The following CPPED1 variants were observed in gnomAD, a reference collection of about 807,000 sequenced individuals.
CPPED1 encodes the protein serine/threonine-protein phosphatase CPPED1.
CPPED1 carries 28 observed loss-of-function variants against 28.0 expected under a neutral mutation model. The observed-to-expected ratio is 1.00, with a 90% CI of 0.74 to 1.37. The LOEUF is 1.37. CPPED1 is among the 40% of genes most tolerant of loss of function. The probability of loss-of-function intolerance (pLI) is 0.00; values close to 1 mark genes in which losing one functional copy is unlikely to be tolerated. For missense variants in CPPED1, 504 were observed against 416.5 expected, an observed-to-expected ratio of 1.21 and a Z score of -1.83; for synonymous variants, 198 against 180.2, an observed-to-expected ratio of 1.10 and a Z score of -0.79.
intron 3 of CPPED1, 103 bp downstream of exon 3, chr16:12,704,519 CCT>C (rs2080037285): frequency 8.1e-7 from 1 of 1,239,164 alleles, no homozygotes; most frequent in South Asian, 1.5e-5. Flanking sequence ...CCGGCCTAGT[CCT>C]CTCTCCCTTT....
chr16:12,776,929 A>G (rs2080501573), intron 2 of CPPED1, among the ~76,000 whole-genome samples: 1 of 152,136 alleles, frequency 6.6e-6, no homozygotes, highest in Non-Finnish European at 1.5e-5. Flanking sequence ...AAAAAAAAAG[A>G]TGTGCCTTTC....
At chr16:12,759,047 C>A (rs148928886) in intron 2 of CPPED1, among the ~76,000 whole-genome samples, 1 of 151,034 alleles carries the variant, frequency 6.6e-6, no homozygotes, top group African/African-American at 2.4e-5. Flanking sequence ...TCTGCAGTCC[C>A]AGCTACTCAG....
intron 3 of CPPED1, among the ~76,000 whole-genome samples, chr16:12,681,267 A>T (rs1007511989): frequency 2.0e-5 from 3 of 152,100 alleles, no homozygotes; most frequent in African/African-American, 7.2e-5. Context: ...CTCTGCCCTC[A>T]AGAATGCATT....
intron 2 of CPPED1, among the ~76,000 whole-genome samples, chr16:12,730,889 G>T (rs188762215): frequency 1.2e-4 from 18 of 152,246 alleles, no homozygotes; most frequent in African/African-American, 2.4e-5. Context: ...CACATTACCC[G>T]CATTTTAGTT....
chr16:12,763,580 T>C (rs1174271961), intron 2 of CPPED1, among the ~76,000 whole-genome samples: 3 of 152,192 alleles, frequency 2.0e-5, no homozygotes, highest in African/African-American at 7.2e-5. Context: ...TTCATTTAAG[T>C]CTTATGAGAA....
Position 12,682,855 on chromosome 16 carries a change from C to T in CPPED1, c.716-17740G>A, listed in dbSNP as rs779401469. On this transcript the variant is annotated intron_variant, in intron 3 of 3. Coordinates refer to ENST00000381774, the MANE Select transcript of CPPED1 (RefSeq NM_018340.3). The surrounding 1 kb of genome is among the most constrained non-coding windows in gnomAD (Gnocchi z 6.1). Reference sequence around the variant, plus strand: ...ATGGCAGCTTGCGTGTGAAATGGAGCGTGGGGCCCACATTAAGGTTTCAAT... The same window carrying T: ...ATGGCAGCTTGCGTGTGAAATGGAGTGTGGGGCCCACATTAAGGTTTCAAT... Among the ~76,000 whole-genome samples the T allele has an allele frequency of 2.6e-5, 4 of 152,166 alleles. No homozygotes were observed. The highest frequency in any genetic ancestry group is 2.9e-5 in the Non-Finnish European group (2 of 68,014).
chr16:12,779,245 C>T (rs1300638101), intron 2 of CPPED1, among the ~76,000 whole-genome samples: 1 of 152,014 alleles, frequency 6.6e-6, no homozygotes, highest in African/African-American at 2.4e-5. Flanking sequence ...GAGACAGGGG[C>T]TCTCTCTGTT....
chr16:12,730,974 A>C (rs1208617795), intron 2 of CPPED1, among the ~76,000 whole-genome samples: 1 of 152,062 alleles, frequency 6.6e-6, no homozygotes, highest in Non-Finnish European at 1.5e-5. Context: ...GATGGCTTGA[A>C]ACTGCATGAA....
chr16:12,698,855 C>T (rs146995071), intron 3 of CPPED1, among the ~76,000 whole-genome samples: 71 of 152,150 alleles, frequency 4.7e-4, no homozygotes, highest in African/African-American at 1.4e-3. Flanking sequence ...TTAACTTTTG[C>T]GGGGAAGATC....
intron 2 of CPPED1, among the ~76,000 whole-genome samples, chr16:12,732,491 GATGGA>G (rs762833583): frequency 6.2e-5 from 6 of 97,176 alleles, no homozygotes; most frequent in South Asian, 3.7e-4. Flanking sequence ...CACACACACA[GATGGA>G]GAGAGAGAGA....
Position 12,803,746 on chromosome 16 carries a change from G to A in CPPED1, c.31C>T (p.His11Tyr), listed in dbSNP as rs200444597. 285 of 1,595,838 alleles carry A rather than the reference G, an allele frequency of 1.8e-4. No individual in the cohort carries two copies. The African/African-American group carries it at 3.2e-3, about 18-fold the overall frequency. The change falls in exon 1 of 4, where the codon CAC becomes TAC. Residue 11 changes from histidine to tyrosine, a missense_variant. Physicochemically the swap from His to Tyr is moderately conservative, Grantham distance 83. Transcript: ENST00000381774. ...GCCAGGGTCCTGCCCCTGGCTCTGT[G>A]GAAAACACCCCCCGCCTCTGCAGCC... MSAAEAGGVFHRARGRTLAAF... is the reference protein window; with the variant it reads MSAAEAGGVFYRARGRTLAAF...
intron 3 of CPPED1, among the ~76,000 whole-genome samples, chr16:12,677,526 C>A (rs756693126): frequency 1.3e-5 from 2 of 152,170 alleles, no homozygotes; most frequent in Non-Finnish European, 2.9e-5. Context: ...TCAGTAATCC[C>A]AGCTACTTGG....
chr16:12,790,470 G>C (rs899394849), intron 1 of CPPED1, among the ~76,000 whole-genome samples: 1 of 152,144 alleles, frequency 6.6e-6, no homozygotes, highest in Non-Finnish European at 1.5e-5. Context: ...CACTCAACTA[G>C]GAAAAGGCCT....
At chr16:12,746,880 A>C (rs2080292377) in intron 2 of CPPED1, among the ~76,000 whole-genome samples, 1 of 152,062 alleles carries the variant, frequency 6.6e-6, no homozygotes, top group African/African-American at 2.4e-5. Context: ...CAACCTCGAA[A>C]ATGCTACAAT....
intron 1 of CPPED1, among the ~76,000 whole-genome samples, chr16:12,783,083 C>T (rs1033919124): frequency 1.5e-4 from 23 of 152,146 alleles, no homozygotes; most frequent in African/African-American, 5.3e-4. Context: ...GTGACCAAGA[C>T]AGATGAGTCC....
In CPPED1 at chr16:12,666,333, C is replaced by A. The variant is rs531717646; in HGVS notation, c.716-1218G>T. Reference sequence around the variant, plus strand: ...GTCATGAGTGGGAGTAAAATGTCACCGGGAGTTCAGCTCTTAGAAGATCAT... The same window carrying A: ...GTCATGAGTGGGAGTAAAATGTCACAGGGAGTTCAGCTCTTAGAAGATCAT... On this transcript the variant is annotated intron_variant, in intron 3 of 3. Coordinates refer to ENST00000381774, the MANE Select transcript of CPPED1 (RefSeq NM_018340.3). Among the ~76,000 whole-genome samples, 7 of 152,074 alleles carry A rather than the reference C, an allele frequency of 4.6e-5. No individual in the cohort carries two copies. The South Asian group carries it at 1.5e-3, about 32-fold the overall frequency.
At chr16:12,787,951 G>A (rs932354285) in intron 1 of CPPED1, among the ~76,000 whole-genome samples, 4 of 152,164 alleles carry the variant, frequency 2.6e-5, no homozygotes, top group East Asian at 1.9e-4. Flanking sequence ...GGCAGGATCC[G>A]TTTCCAAGCT....
At chr16:12,690,862 G>A (rs568780235) in intron 3 of CPPED1, among the ~76,000 whole-genome samples, 5 of 152,248 alleles carry the variant, frequency 3.3e-5, no homozygotes, top group South Asian at 2.1e-4. Context: ...AGATCCCTTT[G>A]GATATCCCAG....
Position 12,680,581 on chromosome 16 carries a change from C to T in CPPED1, c.716-15466G>A, listed in dbSNP as rs571536107. 4.6e-5 allele frequency among the ~76,000 whole-genome samples: 7 copies of T among 152,302 alleles called. No homozygotes were observed. In the South Asian group the frequency reaches 1.5e-3, roughly 32 times the overall value. On this transcript the variant is annotated intron_variant, in intron 3 of 3. Coordinates refer to ENST00000381774, the MANE Select transcript of CPPED1 (RefSeq NM_018340.3). ...AGCATCCAGATTCAGGGGGCAGAGA[C>T]AGCCCCCAGGGAAGAAGGAGTCTTG...
Sources: allele counts gnomAD v4.1 joint callset (sites outside exome capture counted in the v4.1 genomes callset), GRCh38; gene constraint gnomAD v4.1.1; non-coding constraint Gnocchi (gnomAD v3.1); transcripts MANE v1.5; gene names NCBI Gene and HGNC (gene_info 2026-07-23, HGNC 2026-07-21).